The following INTS3 variants were observed in gnomAD, a reference collection of about 807,000 sequenced individuals.
INTS3 encodes integrator complex subunit 3.
INTS3 carries 34 observed loss-of-function variants against 146.3 expected under a neutral mutation model. The observed-to-expected ratio is 0.23, with a 90% CI of 0.18 to 0.31. INTS3 has a LOEUF of 0.31. Among genes scored for constraint, INTS3 ranks in the 10% least tolerant of loss-of-function variants. The probability of loss-of-function intolerance (pLI) is 1.00; values close to 1 mark genes in which losing one functional copy is unlikely to be tolerated. For synonymous variants in INTS3, 475 were observed against 494.9 expected (o/e 0.96, Z 0.53); for missense variants, 757 against 1,304.2 (o/e 0.58, Z 6.46).
Position 153,773,545 on chromosome 1 carries a change from C to A in INTS3, c.*275C>A. 1 of 561,460 alleles carries A rather than the reference C, an allele frequency of 1.8e-6. No individual in the cohort carries two copies. Among genetic ancestry groups the A allele is most frequent in the South Asian group, 2.5e-5 (1 of 40,112 alleles). 34.8% of individuals were successfully genotyped at this position (561,460 alleles called of 1,614,324 possible). A position where few individuals can be genotyped will look rare whatever the true frequency, so the allele number is the denominator to read the frequency against. On this transcript the variant is annotated 3_prime_UTR_variant, in exon 30 of 30. Transcript: ENST00000318967. Reference sequence around the variant, plus strand: ...AAGCCAGAGGCTCTGTAAAATCAGACCATAGTGGAAGTCCTCAGCCCCCTG... The same window carrying A: ...AAGCCAGAGGCTCTGTAAAATCAGAACATAGTGGAAGTCCTCAGCCCCCTG...
chr1:153,760,257 A>AG (rs1247041841), intron 11 of INTS3, 54 bp from the exon 12 acceptor site: 21 of 926,590 alleles, frequency 2.3e-5, no homozygotes, highest in African/African-American at 5.2e-5. Context: ...AAAAAAAAAA[A>AG]AGAGAGAGAG....
chr1:153,751,130 T>C lies in INTS3; in HGVS notation c.620T>C (p.Met207Thr). Reference sequence around the variant, plus strand: ...CTGAAGAGCAGCATCCTCATTGCCATGGCTGTTTACACGTACCTCCGCCTC... The same window carrying C: ...CTGAAGAGCAGCATCCTCATTGCCACGGCTGTTTACACGTACCTCCGCCTC... Reference protein sequence around the residue: ...WVLKSSILIAMAVYTYLRLIV... With the variant: ...WVLKSSILIATAVYTYLRLIV... Residue 207 changes from methionine (M) to threonine (T), a missense_variant, in exon 7 of 30, where the codon ATG becomes ACG. By Grantham distance (81) the Met-to-Thr change is moderately conservative. Transcript: ENST00000318967. The C allele has an allele frequency of 1.9e-6, 3 of 1,614,208 alleles. No homozygotes were observed. The highest frequency in any genetic ancestry group is 2.5e-6 in the Non-Finnish European group (3 of 1,180,028).
chr1:153,731,705 C>A (rs903068511), intron 1 of INTS3, among the ~76,000 whole-genome samples: 4 of 149,098 alleles, frequency 2.7e-5, no homozygotes, highest in African/African-American at 9.9e-5. Context: ...CCTGCCTCAG[C>A]CTCCCGAGTA....
intron 20 of INTS3, among the ~76,000 whole-genome samples, chr1:153,766,152 C>G (rs985169086): frequency 4.0e-4 from 49 of 123,096 alleles, no homozygotes; most frequent in Non-Finnish European, 6.3e-5. Flanking sequence ...GACAGAGTCT[C>G]GCTGTGTCGC....
chr1:153,728,233 G>A lies in INTS3; in HGVS notation c.-402G>A. On this transcript the variant is annotated 5_prime_UTR_variant, in exon 1 of 30. Coordinates refer to ENST00000318967, the MANE Select transcript of INTS3 (RefSeq NM_023015.5). ...GAAGGTTTCCTACCTCCTAATTCAG[G>A]GGCAGGACTCCTCTTTTCCCCCCAC... 2.5e-6 allele frequency: 1 copy of A among 393,214 alleles called. No homozygotes were observed. 24.4% of individuals were successfully genotyped at this position (393,214 alleles called of 1,614,324 possible).
Position 153,752,396 on chromosome 1 carries a change from C to T in INTS3, c.847C>T (p.Pro283Ser). 6.2e-7 allele frequency: 1 copy of T among 1,611,546 alleles called. No homozygotes were observed. Among genetic ancestry groups the T allele is most frequent in the Non-Finnish European group, 8.5e-7 (1 of 1,179,028 alleles). ...DIIHNPQALSPQFTGILQLLQ... is the reference protein window; with the variant it reads ...DIIHNPQALSSQFTGILQLLQ... ...TATCCATAATCCTCAGGCCTTGAGT[C>T]CTCAGTTCACAGGTAAGTAGGGTCT... Residue 283 changes from proline to serine, a missense_variant, in exon 8 of 30, where the codon CCT becomes TCT. By Grantham distance (74) the Pro-to-Ser change is moderately conservative. Transcript: ENST00000318967.
intron 5 of INTS3, 138 bp downstream of exon 5, chr1:153,747,501 C>A: frequency 1.4e-6 from 1 of 694,792 alleles, no homozygotes; most frequent in Non-Finnish European, 2.6e-6. Flanking sequence ...CAGACATCTT[C>A]TGGCCACATA....
chr1:153,762,697 A>AT (rs1321057293), intron 14 of INTS3, 31 bp from the exon 15 acceptor site: 3 of 1,613,610 alleles, frequency 1.9e-6, no homozygotes, highest in Non-Finnish European at 2.5e-6. Context: ...CCAGGAGGCC[A>AT]TTAAATGCCT....
intron 1 of INTS3, among the ~76,000 whole-genome samples, chr1:153,729,663 C>T (rs887873314): frequency 1.2e-4 from 19 of 152,034 alleles, no homozygotes; most frequent in Non-Finnish European, 1.0e-4. Flanking sequence ...GTCAAGAGAT[C>T]GAGACCATCC....
intron 18 of INTS3, 36 bp from the exon 19 acceptor site, chr1:153,764,653 CT>C (rs1345979407): frequency 1.3e-6 from 2 of 1,528,516 alleles, no homozygotes; most frequent in African/African-American, 2.7e-5. Context: ...AGCAGCCCCC[CT>C]CACATGGATT....
intron 10 of INTS3, 137 bp from the exon 11 acceptor site, chr1:153,759,389 C>T (rs1198822881): frequency 9.9e-6 from 7 of 710,012 alleles, no homozygotes; most frequent in African/African-American, 8.7e-5. Context: ...GGGGGGTTAG[C>T]ATTTCACCGT....
In INTS3 at chr1:153,768,866, A is replaced by C. The variant is rs368981196; in HGVS notation, c.2245-27A>C. The C allele has an allele frequency of 2.1e-5, 34 of 1,587,494 alleles. No homozygotes were observed. The Middle Eastern group carries it at 5.3e-4, about 25-fold the overall frequency. On this transcript the variant is annotated intron_variant, in intron 21 of 29. Coordinates refer to ENST00000318967, the MANE Select transcript of INTS3 (RefSeq NM_023015.5). The stretch of plus-strand genomic sequence containing the variant: ...ATAAAAGCTGAGGAGCCCATCCAGG[A>C]CTCTTCCCCTCTCTTTTTCCATTTA...
chr1:153,753,956 C>CTTTTTTTTTTT (rs60830214), intron 8 of INTS3: 1 of 113,438 alleles, frequency 8.8e-6, no homozygotes. Context: ...CACCTGGCCT[C>CTTTTTTTTTTT]TTTTTTTTTT....
chr1:153,738,725 GA>G (rs1671398178), intron 1 of INTS3, among the ~76,000 whole-genome samples: 1 of 152,070 alleles, frequency 6.6e-6, no homozygotes, highest in African/African-American at 2.4e-5. Context: ...ACCATCCATT[GA>G]TGATGATATT....
At chr1:153,768,532 G>A (rs1286700196) in intron 21 of INTS3, among the ~76,000 whole-genome samples, 1 of 152,168 alleles carries the variant, frequency 6.6e-6, no homozygotes, top group Non-Finnish European at 1.5e-5. Flanking sequence ...TTGCTGCCAG[G>A]GATGCAAATA....
At chr1:153,739,075 T>A (rs905333013) in intron 1 of INTS3, among the ~76,000 whole-genome samples, 1 of 151,692 alleles carries the variant, frequency 6.6e-6, no homozygotes, top group Middle Eastern at 3.4e-3. Context: ...TTTTTCTTGT[T>A]TTTTTTGAGA....
chr1:153,769,070 C>T (rs1672711018), intron 22 of INTS3, 109 bp downstream of exon 22: 2 of 852,854 alleles, frequency 2.3e-6, no homozygotes, highest in African/African-American at 3.3e-5. Context: ...GCCTCCCAGG[C>T]ACCCTCCCTC....
intron 5 of INTS3, 49 bp downstream of exon 5, chr1:153,747,412 A>G (rs755997779): frequency 2.2e-6 from 3 of 1,365,252 alleles, no homozygotes; most frequent in Non-Finnish European, 3.1e-6. Flanking sequence ...GAGCCCAGAG[A>G]CTACATAGAG....
chr1:153,769,026 G>C, intron 22 of INTS3, 65 bp downstream of exon 22: 2 of 1,311,874 alleles, frequency 1.5e-6, no homozygotes, highest in Non-Finnish European at 2.2e-6. Flanking sequence ...TAGGGCCTCT[G>C]CTCTCCCTCC....
Sources: allele counts gnomAD v4.1 joint callset (sites outside exome capture counted in the v4.1 genomes callset), GRCh38; gene constraint gnomAD v4.1.1; transcripts MANE v1.5; gene names NCBI Gene and HGNC (gene_info 2026-07-23, HGNC 2026-07-21).